ODAD2: variants seen among roughly 807,000 people sequenced by gnomAD.
ODAD2 encodes the protein outer dynein arm-docking complex subunit 2.
Under a neutral mutation model 106.8 loss-of-function variants are expected in ODAD2, and 89 were observed. The ratio of observed to expected loss-of-function variants is 0.83; its 90% confidence interval spans 0.70 to 0.99. ODAD2 has a LOEUF of 0.99. Among genes scored for constraint, ODAD2 ranks in the 50% least tolerant of loss-of-function variants. The probability of loss-of-function intolerance (pLI) is 0.00; values close to 1 mark genes in which losing one functional copy is unlikely to be tolerated. For synonymous variants in ODAD2, 404 were observed against 436.2 expected (o/e 0.93, Z 0.92); for missense variants, 1,168 against 1,238.5 (o/e 0.94, Z 0.85).
At position 27,845,426 on chromosome 10, in the gene ODAD2, A is replaced by G. The variant is rs551750025; in HGVS notation, c.3021+15199T>C. Among the ~76,000 whole-genome samples the G allele has an allele frequency of 2.0e-5, 3 of 152,348 alleles. No individual in the cohort carries two copies. In the East Asian group the frequency reaches 5.8e-4, roughly 29 times the overall value. On this transcript the variant is annotated intron_variant, in intron 19 of 19. Coordinates refer to ENST00000305242, the MANE Select transcript of ODAD2 (RefSeq NM_018076.5). ...TAAAAGAGCTCCTGAAGGAAGCACT[A>G]AACATGGAAAGGAACAGCTGGTACC...
Position 27,985,230 on chromosome 10 carries a change from AGGAGACAAAT to A in ODAD2, c.383-29_383-20del. The A allele has an allele frequency of 1.4e-6, 2 of 1,402,824 alleles. No individual in the cohort carries two copies. The highest frequency in any genetic ancestry group is 1.9e-6 in the Non-Finnish European group (2 of 1,047,670). 86.9% of individuals were successfully genotyped at this position (1,402,824 alleles called of 1,614,324 possible). A position where few individuals can be genotyped will look rare whatever the true frequency, so the allele number is the denominator to read the frequency against. ...CTGTTAGCTGCCAAAAAAAAAAAAA[AGGAGACAAAT>A]AAAAATTATCCACTTGTCTTCTAGT... On this transcript the variant is annotated intron_variant, in intron 3 of 19. Coordinates refer to ENST00000305242, the MANE Select transcript of ODAD2 (RefSeq NM_018076.5).
rs553017989 is a variant in ODAD2, at chr10:27,898,790, G to A, written c.2610+8873C>T. ...TGCCAAAATACATTGATTTTTCACT[G>A]CTGCAATGTATAACATAGTGTGATT... is the stretch of plus-strand genomic sequence containing the variant. On this transcript the variant is annotated intron_variant, in intron 17 of 19. Coordinates refer to ENST00000305242, the MANE Select transcript of ODAD2 (RefSeq NM_018076.5). 4.2e-4 allele frequency among the ~76,000 whole-genome samples: 64 copies of A among 152,178 alleles called. 1 individual carries two copies. The highest frequency in any genetic ancestry group is 3.4e-3 in the Middle Eastern group (1 of 294).
Position 27,860,992 on chromosome 10 carries a change from G to C in ODAD2, c.2800-146C>G, listed in dbSNP as rs556252691. On this transcript the variant is annotated intron_variant, in intron 18 of 19. Transcript: ENST00000305242. ...TGGCTGACTACCTAGGTGATGTTTT[G>C]AAGGAACTAGTCTTTTTTAGATGGA... is the stretch of plus-strand genomic sequence containing the variant. The C allele has an allele frequency of 7.0e-4, 471 of 669,746 alleles. 1 individual carries two copies. Among genetic ancestry groups the C allele is most frequent in the Non-Finnish European group, 1.1e-3 (437 of 390,738 alleles). The allele number at this position is 669,746 out of a possible 1,614,324, so 41.5% of individuals were successfully genotyped here. A position where few individuals can be genotyped will look rare whatever the true frequency, so the allele number is the denominator to read the frequency against.
At position 27,961,677 on chromosome 10, in the gene ODAD2, C is replaced by T. The variant is rs143513621; in HGVS notation, c.1277G>A (p.Ser426Asn). ...TTCATCTTCCTCACTTTCTGAGGAG[C>T]TATCGCTAACAGTTTCCTCAATCTT... ...AEKIEETVSD[S>N]SSESEEDEEP... The change falls in exon 10 of 20, where the codon AGC (serine) becomes AAC (asparagine). Residue 426 changes from serine to asparagine, a missense_variant. Transcript: ENST00000305242. The T allele has an allele frequency of 6.7e-5, 107 of 1,600,804 alleles. No homozygotes were observed. In the African/African-American group the frequency reaches 1.2e-3, roughly 18 times the overall value.
intron 7 of ODAD2, among the ~76,000 whole-genome samples, chr10:27,977,764 T>C (rs997823772): frequency 6.6e-6 from 1 of 152,004 alleles, no homozygotes; most frequent in Non-Finnish European, 1.5e-5. Flanking sequence ...ACATAGGATA[T>C]GTGAATGGCC....
chr10:27,902,078 C>T (rs1843246600), intron 17 of ODAD2, among the ~76,000 whole-genome samples: 1 of 152,024 alleles, frequency 6.6e-6, no homozygotes, highest in African/African-American at 2.4e-5. Context: ...CTAGCAAATG[C>T]AAAAGAACAG....
intron 10 of ODAD2, among the ~76,000 whole-genome samples, chr10:27,950,922 A>G (rs900102670): frequency 6.6e-6 from 1 of 152,218 alleles, no homozygotes; most frequent in Non-Finnish European, 1.5e-5. Flanking sequence ...ATAGTTCAAT[A>G]AAGTGGACAC....
intron 17 of ODAD2, among the ~76,000 whole-genome samples, chr10:27,896,380 C>T (rs1207495425): frequency 6.6e-6 from 1 of 152,144 alleles, no homozygotes; most frequent in East Asian, 1.9e-4. Context: ...ATAACTTTCT[C>T]ACTTCTGGAT....
At chr10:27,902,642 A>G (rs1564484936) in intron 17 of ODAD2, among the ~76,000 whole-genome samples, 2 of 152,348 alleles carry the variant, frequency 1.3e-5, no homozygotes, top group East Asian at 1.9e-4. Flanking sequence ...CAGAAATACA[A>G]ACTACCATCA....
intron 17 of ODAD2, among the ~76,000 whole-genome samples, chr10:27,895,193 A>G (rs1490496780): frequency 6.6e-6 from 1 of 152,182 alleles, no homozygotes; most frequent in East Asian, 1.9e-4. Context: ...GAGGTTTACA[A>G]CTTTTCATAG....
At chr10:27,885,679 A>AT (rs1390294054) in intron 17 of ODAD2, among the ~76,000 whole-genome samples, 14 of 14,022 alleles carry the variant, frequency 1.0e-3, no homozygotes, top group South Asian at 2.0e-3. Flanking sequence ...TAAAATATAT[A>AT]TAATATATAA....
chr10:27,913,840 C>G (rs1844179224), intron 16 of ODAD2, among the ~76,000 whole-genome samples: 1 of 152,114 alleles, frequency 6.6e-6, no homozygotes, highest in African/African-American at 2.4e-5. Flanking sequence ...ATAACAGATG[C>G]TGGCAAGGTT....
intron 10 of ODAD2, among the ~76,000 whole-genome samples, chr10:27,950,385 T>C (rs969003713): frequency 1.3e-5 from 2 of 152,144 alleles, no homozygotes; most frequent in African/African-American, 2.4e-5. Flanking sequence ...TGCAAATCTA[T>C]TTTACACTGA....
chr10:27,839,343 C>A (rs1417050870), intron 19 of ODAD2, among the ~76,000 whole-genome samples: 1 of 152,166 alleles, frequency 6.6e-6, no homozygotes, highest in Non-Finnish European at 1.5e-5. Flanking sequence ...GAAAGAGAGG[C>A]TCACACCTGA....
chr10:27,885,803 A>T (rs11596448), intron 17 of ODAD2, among the ~76,000 whole-genome samples: 2 of 89,356 alleles, frequency 2.2e-5, no homozygotes, highest in East Asian at 5.7e-4. Flanking sequence ...AATATATATA[A>T]AATATATATT....
intron 17 of ODAD2, among the ~76,000 whole-genome samples, chr10:27,879,858 G>A (rs547565070): frequency 6.6e-6 from 1 of 152,234 alleles, no homozygotes; most frequent in Admixed American, 6.5e-5. Flanking sequence ...CCAGCTGTCT[G>A]GTCTCCCTCA....
At chr10:27,963,243 G>A (rs569251887) in intron 9 of ODAD2, among the ~76,000 whole-genome samples, 76 of 152,042 alleles carry the variant, frequency 5.0e-4, no homozygotes, top group Admixed American at 1.6e-3. Flanking sequence ...TCTTGACCTC[G>A]TGATCCTCCC....
chr10:27,889,829 A>G (rs1468048488), intron 17 of ODAD2, among the ~76,000 whole-genome samples: 1 of 152,202 alleles, frequency 6.6e-6, no homozygotes, highest in Non-Finnish European at 1.5e-5. Flanking sequence ...TGTTGATAAT[A>G]ATGGTAACTG....
At chr10:27,899,360 T>C (rs748942824) in intron 17 of ODAD2, among the ~76,000 whole-genome samples, 36 of 151,886 alleles carry the variant, frequency 2.4e-4, no homozygotes, top group Non-Finnish European at 4.4e-4. Context: ...ACCAAAGCCA[T>C]GGGTTTCAAG....
Sources: gnomAD v4.1 joint callset for allele counts (sites outside exome capture counted in the v4.1 genomes callset) on GRCh38, gnomAD v4.1.1 for gene constraint, MANE v1.5 for transcripts, NCBI Gene and HGNC (gene_info 2026-07-23, HGNC 2026-07-21) for gene names.